The following MYO3A variants were observed in gnomAD, a reference collection of about 807,000 sequenced individuals.
MYO3A encodes myosin-IIIa.
Under a neutral mutation model 192.7 loss-of-function variants are expected in MYO3A, and 180 were observed. That is an observed-to-expected ratio of 0.93 (90% CI 0.83 to 1.06). The LOEUF (loss-of-function observed/expected upper bound fraction) is 1.06. MYO3A is among the 50% of genes least tolerant of loss of function. The pLI, the probability that MYO3A is intolerant of heterozygous loss-of-function variation, is 0.00. For synonymous variants in MYO3A, 628 were observed against 645.3 expected, an observed-to-expected ratio of 0.97 and a Z score of 0.41; for missense variants, 1,896 against 1,905.0, an observed-to-expected ratio of 1.00 and a Z score of 0.09.
chr10:25,997,228 A>C lies in MYO3A; in HGVS notation c.478A>C (p.Thr160Pro). Reference sequence around the variant, plus strand: ...GAAAGGCAATAACATTCTATTGACCACGGAAGGTGGAGTGAAACTAGTAGA... The same window carrying C: ...GAAAGGCAATAACATTCTATTGACCCCGGAAGGTGGAGTGAAACTAGTAGA... ...DVKGNNILLT[T>P]EGGVKLVDFG... The change falls in exon 6 of 35, where the codon ACG becomes CCG. Residue 160 changes from threonine to proline, a missense_variant. Coordinates refer to ENST00000642920, the MANE Select transcript of MYO3A (RefSeq NM_017433.5). The C allele has an allele frequency of 6.2e-7, 1 of 1,613,506 alleles. No individual in the cohort carries two copies. Among genetic ancestry groups the C allele is most frequent in the Admixed American group, 1.7e-5 (1 of 60,022 alleles).
chr10:26,018,578 TTCTATA>T (rs1484550544), intron 7 of MYO3A, among the ~76,000 whole-genome samples: 1 of 152,204 alleles, frequency 6.6e-6, no homozygotes, highest in Non-Finnish European at 1.5e-5. Flanking sequence ...TTAAATTAAA[TTCTATA>T]TCAAAAGTAG....
chr10:26,170,653 C>T (rs1842006273), intron 29 of MYO3A, 114 bp downstream of exon 29: 9 of 1,121,996 alleles, frequency 8.0e-6, no homozygotes, highest in Non-Finnish European at 1.0e-5. Flanking sequence ...GATACTGACA[C>T]ATCAAATGTC....
At position 26,124,906 on chromosome 10, in the gene MYO3A, A is replaced by G. The variant is rs142300175; in HGVS notation, c.1904-492A>G. ...CAAGTATAAGTACATGAATGTCAAG[A>G]TAAGTTTGTGCTCTTTCTGTTGTGT... is the stretch of plus-strand genomic sequence containing the variant. On this transcript the variant is annotated intron_variant, in intron 18 of 34. Transcript: ENST00000642920. Among the ~76,000 whole-genome samples the G allele has an allele frequency of 1.5e-3, 226 of 152,304 alleles. 1 individual carries two copies. Among genetic ancestry groups the G allele is most frequent in the African/African-American group, 5.2e-3 (215 of 41,580 alleles).
At chr10:26,007,233 A>C (rs2079483978) in intron 6 of MYO3A, among the ~76,000 whole-genome samples, 1 of 150,308 alleles carries the variant, frequency 6.7e-6, no homozygotes, top group Admixed American at 6.6e-5. Flanking sequence ...GACGTGTCTC[A>C]AAATAATAAG....
chr10:26,021,920 C>T (rs1182557524), intron 8 of MYO3A: 1 of 440,758 alleles, frequency 2.3e-6, no homozygotes, highest in Admixed American at 3.4e-5. Flanking sequence ...GTTCCTCCCA[C>T]CCTTTATCCA....
intron 22 of MYO3A, 124 bp downstream of exon 22, chr10:26,145,658 G>GC (rs1283866596): frequency 1.3e-6 from 1 of 795,792 alleles, no homozygotes; most frequent in Non-Finnish European, 2.2e-6. Context: ...GTCTGTTTCC[G>GC]CCCCCACTGG....
At chr10:25,943,086 T>C (rs1445516870) in intron 2 of MYO3A, among the ~76,000 whole-genome samples, 1 of 152,090 alleles carries the variant, frequency 6.6e-6, no homozygotes, top group Non-Finnish European at 1.5e-5. Flanking sequence ...AGCTCATATG[T>C]TTAAGTCTTT....
At chr10:26,203,228 T>C in intron 34 of MYO3A, 121 bp downstream of exon 34, 1 of 1,084,818 alleles carries the variant, frequency 9.2e-7, no homozygotes, top group Non-Finnish European at 1.4e-6. Context: ...ATTGCATCTT[T>C]GGAGTGATAT....
rs1463873621 is a variant in MYO3A, at chr10:26,081,137, C to CA, written c.1360-7066_1360-7065insA. Among the ~76,000 whole-genome samples the CA allele has an allele frequency of 9.1e-4, 95 of 104,926 alleles. 8 individuals are homozygous for CA. Among genetic ancestry groups the CA allele is most frequent in the Admixed American group, 6.1e-3 (73 of 11,976 alleles). The allele number at this position is 104,926 out of a possible 152,430, so 68.8% of individuals were successfully genotyped here. On this transcript the variant is annotated intron_variant, in intron 14 of 34. Coordinates refer to ENST00000642920, the MANE Select transcript of MYO3A (RefSeq NM_017433.5). ...ATTCCCAAGATTATATGCCCTTCCC[C>CA]CCCCCCCCGCCCCCGCTACCAGGGT... is the stretch of plus-strand genomic sequence containing the variant.
intron 14 of MYO3A, among the ~76,000 whole-genome samples, chr10:26,079,841 T>C (rs1313539290): frequency 1.3e-5 from 2 of 152,228 alleles, no homozygotes; most frequent in Non-Finnish European, 2.9e-5. Context: ...AGGCTGAAGA[T>C]AGGGTCCCAA....
intron 10 of MYO3A, among the ~76,000 whole-genome samples, chr10:26,026,936 G>C (rs1038740247): frequency 1.3e-5 from 2 of 152,178 alleles, no homozygotes; most frequent in African/African-American, 4.8e-5. Flanking sequence ...TCCTGACCTT[G>C]TGATCCGCCC....
intron 4 of MYO3A, among the ~76,000 whole-genome samples, chr10:25,973,209 C>G (rs1397509677): frequency 6.6e-6 from 1 of 152,042 alleles, no homozygotes; most frequent in Non-Finnish European, 1.5e-5. Flanking sequence ...TCCTTGTTAG[C>G]TCTATTGCTA....
intron 2 of MYO3A, among the ~76,000 whole-genome samples, chr10:25,937,461 A>T (rs1169940031): frequency 6.6e-6 from 1 of 152,238 alleles, no homozygotes; most frequent in Admixed American, 6.5e-5. Context: ...GCAATTTACG[A>T]AACAGTTCCT....
At chr10:26,135,774 T>C (rs1839811756) in intron 20 of MYO3A, among the ~76,000 whole-genome samples, 1 of 151,962 alleles carries the variant, frequency 6.6e-6, no homozygotes, top group Admixed American at 6.6e-5. Context: ...GAGACCAGCC[T>C]GGCCAACATG....
At position 26,128,430 on chromosome 10, in the gene MYO3A, A is replaced by G. The variant is rs1839340078; in HGVS notation, c.2154A>G (p.Ile718Met). ...AGCTGAGCATTGGCATTCTTGATATATTTGGCTTTGAAAATTTCAAAAAAA... is the reference window on the plus strand; with the variant it reads ...AGCTGAGCATTGGCATTCTTGATATGTTTGGCTTTGAAAATTTCAAAAAAA... Reference protein sequence around the residue: ...GDELSIGILDIFGFENFKKNS... With the variant: ...GDELSIGILDMFGFENFKKNS... The change falls in exon 20 of 35, where the codon ATA becomes ATG. Residue 718 changes from isoleucine to methionine, a missense_variant. Transcript: ENST00000642920. 6.2e-7 allele frequency: 1 copy of G among 1,613,066 alleles called. No homozygotes were observed. Among genetic ancestry groups the G allele is most frequent in the Non-Finnish European group, 8.5e-7 (1 of 1,179,244 alleles).
chr10:26,132,770 AAGT>A (rs1467808557), intron 20 of MYO3A, among the ~76,000 whole-genome samples: 1 of 152,136 alleles, frequency 6.6e-6, no homozygotes, highest in Non-Finnish European at 1.5e-5. Flanking sequence ...TGAATGTCAG[AAGT>A]AGTTTTAGAA....
At position 25,997,174 on chromosome 10, in the gene MYO3A, C is replaced by G; in HGVS notation, c.424C>G (p.His142Asp). Residue 142 changes from histidine (H) to aspartate (D), a missense_variant, in exon 6 of 35, where the codon CAT becomes GAT. By Grantham distance (81) the His-to-Asp change is moderately conservative. Transcript: ENST00000642920. ...HEALMGLQHL[H>D]NNKTIHRDVK... is the part of the protein sequence containing the mutation. The stretch of plus-strand genomic sequence containing the variant: ...TATCTTCTAGGGACTTCAACATTTG[C>G]ATAACAACAAAACTATCCACAGAGA... The G allele has an allele frequency of 6.2e-7, 1 of 1,612,900 alleles. No individual in the cohort carries two copies. The highest frequency in any genetic ancestry group is 1.1e-5 in the South Asian group (1 of 91,048).
chr10:26,012,066 C>T (rs1316751988), intron 6 of MYO3A, among the ~76,000 whole-genome samples: 1 of 152,102 alleles, frequency 6.6e-6, no homozygotes, highest in African/African-American at 2.4e-5. Flanking sequence ...ATGATAAAAA[C>T]TCTCAACAAA....
rs568869305 is a variant in MYO3A, at chr10:26,174,209, G to A, written c.3945G>A (p.Pro1315=). 20 of 1,614,068 alleles carry A rather than the reference G, an allele frequency of 1.2e-5. No individual in the cohort carries two copies. Among genetic ancestry groups the A allele is most frequent in the African/African-American group, 9.3e-5 (7 of 74,922 alleles). Residue 1315 remains proline, a synonymous_variant, in exon 30 of 35, where the codon CCG becomes CCA. Transcript: ENST00000642920. ...KKTSVVTQRA[P]ICSQEEGRGR... The stretch of plus-strand genomic sequence containing the variant: ...CATCTGTAGTTACCCAGCGTGCACC[G>A]ATATGCAGCCAGGAGGAAGGCAGAG...
Sources: gnomAD v4.1 joint callset for allele counts (sites outside exome capture counted in the v4.1 genomes callset) on GRCh38, gnomAD v4.1.1 for gene constraint, MANE v1.5 for transcripts, NCBI Gene and HGNC (gene_info 2026-07-23, HGNC 2026-07-21) for gene names.